WASHC3: variants seen among roughly 807,000 people sequenced by gnomAD.
The protein encoded by WASHC3 is WASH complex subunit 3.
Under a neutral mutation model 26.1 loss-of-function variants are expected in WASHC3, and 24 were observed. The ratio of observed to expected loss-of-function variants is 0.92; its 90% CI spans 0.66 to 1.29. WASHC3 has a LOEUF of 1.29. Among genes scored for constraint, WASHC3 ranks in the 50% most tolerant of loss-of-function variants. WASHC3 has a pLI of 0.00. For synonymous variants in WASHC3, 77 were observed against 75.7 expected (o/e 1.02, Z -0.09); for missense variants, 214 against 229.6 (o/e 0.93, Z 0.44).
intron 5 of WASHC3, among the ~76,000 whole-genome samples, chr12:102,032,759 T>C (rs893837671): frequency 6.6e-6 from 1 of 152,144 alleles, no homozygotes; most frequent in Non-Finnish European, 1.5e-5. Context: ...CTTGATGTGA[T>C]GGCAAAGCTA....
chr12:102,014,928 C>T (rs925687646), intron 6 of WASHC3, among the ~76,000 whole-genome samples: 2 of 152,174 alleles, frequency 1.3e-5, no homozygotes, highest in Non-Finnish European at 2.9e-5. Context: ...TATTTTAATA[C>T]CACATCAAAA....
intron 5 of WASHC3, among the ~76,000 whole-genome samples, chr12:102,026,835 C>T (rs901486458): frequency 6.6e-6 from 1 of 152,108 alleles, no homozygotes; most frequent in Non-Finnish European, 1.5e-5. Flanking sequence ...GGATAAGAAA[C>T]ACTAAACTGA....
At chr12:102,017,332 T>G (rs574697285) in intron 6 of WASHC3, among the ~76,000 whole-genome samples, 76 of 152,282 alleles carry the variant, frequency 5.0e-4, no homozygotes, top group South Asian at 3.9e-3. Context: ...ATCCCTGTCC[T>G]TAAGCGATGC....
chr12:102,036,763 A>C (rs554612835), intron 5 of WASHC3, among the ~76,000 whole-genome samples: 2 of 152,268 alleles, frequency 1.3e-5, no homozygotes, highest in African/African-American at 4.8e-5. Flanking sequence ...ATATACCCTC[A>C]CCGAAGGCAG....
chr12:102,042,733 A>G (rs1877992447), intron 4 of WASHC3, among the ~76,000 whole-genome samples: 1 of 152,214 alleles, frequency 6.6e-6, no homozygotes, highest in Non-Finnish European at 1.5e-5. Flanking sequence ...TGTCAACATC[A>G]TCGTGATCTA....
intron 6 of WASHC3, among the ~76,000 whole-genome samples, chr12:102,025,333 A>C (rs1028239345): frequency 6.6e-6 from 1 of 152,176 alleles, no homozygotes; most frequent in Non-Finnish European, 1.5e-5. Context: ...ATTTGCTTGG[A>C]TGAAATAAAC....
At chr12:102,058,432 A>C (rs1878675488) in intron 2 of WASHC3, among the ~76,000 whole-genome samples, 1 of 152,164 alleles carries the variant, frequency 6.6e-6, no homozygotes, top group African/African-American at 2.4e-5. Flanking sequence ...CATCACACTA[A>C]GAAGTTTGTA....
chr12:102,052,447 G>C (rs1321714778), intron 2 of WASHC3, among the ~76,000 whole-genome samples: 2 of 152,126 alleles, frequency 1.3e-5, no homozygotes, highest in African/African-American at 4.8e-5. Context: ...TGAGTTCTAG[G>C]CTTGTCCCAC....
chr12:102,034,601 C>T (rs1221547078), intron 5 of WASHC3, among the ~76,000 whole-genome samples: 1 of 151,930 alleles, frequency 6.6e-6, no homozygotes, highest in East Asian at 1.9e-4. Context: ...GACATAATAC[C>T]CACAGGTATG....
intron 5 of WASHC3, among the ~76,000 whole-genome samples, chr12:102,027,295 A>C (rs1284548583): frequency 1.3e-5 from 2 of 152,166 alleles, no homozygotes; most frequent in Non-Finnish European, 2.9e-5. Context: ...ATCTTTATAT[A>C]ACCTATCATA....
intron 4 of WASHC3, among the ~76,000 whole-genome samples, chr12:102,041,583 AAGTGCATT>A (rs1423496651): frequency 6.6e-6 from 1 of 152,030 alleles, no homozygotes; most frequent in Non-Finnish European, 1.5e-5. Flanking sequence ...TTTTTTTAAA[AAGTGCATT>A]ATTCTCCTTT....
intron 2 of WASHC3, among the ~76,000 whole-genome samples, chr12:102,058,937 T>C (rs1878696901): frequency 6.6e-6 from 1 of 152,126 alleles, no homozygotes; most frequent in Non-Finnish European, 1.5e-5. Flanking sequence ...TTAAATGAAA[T>C]AAGCCAGTCA....
chr12:102,052,337 A>G (rs1227125986), intron 2 of WASHC3, among the ~76,000 whole-genome samples: 1 of 148,072 alleles, frequency 6.8e-6, no homozygotes, highest in Non-Finnish European at 1.5e-5. Flanking sequence ...ACCCCAGCAG[A>G]ACTCAGTGCT....
intron 2 of WASHC3, among the ~76,000 whole-genome samples, chr12:102,056,597 TAAAAC>T (rs997111500): frequency 2.6e-5 from 4 of 152,168 alleles, no homozygotes; most frequent in Non-Finnish European, 5.9e-5. Flanking sequence ...ACTTTACAAT[TAAAAC>T]AAAAGAAATA....
intron 2 of WASHC3, among the ~76,000 whole-genome samples, chr12:102,052,130 G>C (rs77555046): frequency 1.5e-3 from 224 of 152,316 alleles, no homozygotes; most frequent in African/African-American, 5.2e-3. Flanking sequence ...AAGGAGACCA[G>C]GTGAGAAATT....
At chr12:102,038,293 A>T (rs1204797644) in intron 5 of WASHC3, among the ~76,000 whole-genome samples, 1 of 152,224 alleles carries the variant, frequency 6.6e-6, no homozygotes, top group Non-Finnish European at 1.5e-5. Flanking sequence ...TGGTGGATTT[A>T]AAAAGAAAAA....
chr12:102,029,439 A>G (rs553736601), intron 5 of WASHC3, among the ~76,000 whole-genome samples: 1 of 152,366 alleles, frequency 6.6e-6, no homozygotes, highest in Non-Finnish European at 1.5e-5. Flanking sequence ...AAGAAGCCAC[A>G]CTAATGAAAT....
At chr12:102,040,121 T>G in intron 4 of WASHC3, 143 bp from the exon 5 acceptor site, 1 of 398,324 alleles carries the variant, frequency 2.5e-6, no homozygotes, top group East Asian at 3.7e-5. Context: ...TACCAATAAT[T>G]TAATATGAGA....
intron 2 of WASHC3, among the ~76,000 whole-genome samples, chr12:102,057,998 G>T (rs1026788735): frequency 6.6e-6 from 1 of 152,024 alleles, no homozygotes; most frequent in Non-Finnish European, 1.5e-5. Flanking sequence ...CACACTCTCT[G>T]ATTTGAAAAT....
Sources: allele counts gnomAD v4.1 joint callset (sites outside exome capture counted in the v4.1 genomes callset), GRCh38; gene constraint gnomAD v4.1.1; transcripts MANE v1.5; gene names NCBI Gene and HGNC (gene_info 2026-07-23, HGNC 2026-07-21).